NPFFR2: variants seen among roughly 807,000 people sequenced by gnomAD.
NPFFR2 encodes the protein neuropeptide FF receptor 2.
In NPFFR2, 15 loss-of-function variants were observed where a neutral mutation model predicts 13.1. That is an observed-to-expected ratio of 1.15 (90% confidence interval 0.77 to 1.76). The LOEUF (loss-of-function observed/expected upper bound fraction) is 1.76, where lower values mean the gene tolerates loss of function less well. Among genes scored for constraint, NPFFR2 ranks in the 40% most tolerant of loss-of-function variants. The probability of loss-of-function intolerance (pLI) is 0.00; values close to 1 mark genes in which losing one functional copy is unlikely to be tolerated. For missense variants in NPFFR2, 572 were observed against 503.5 expected (o/e 1.14, Z -1.30); for synonymous variants, 190 against 175.7 (o/e 1.08, Z -0.65).
chr4:72,069,119 A>T, intron 1 of NPFFR2: 1 of 446,542 alleles, frequency 2.2e-6, no homozygotes, highest in Non-Finnish European at 4.1e-6. Flanking sequence ...ATAGCATAAC[A>T]GTAATGCTAA....
At chr4:72,089,633 G>A (rs1437305708) in intron 1 of NPFFR2, among the ~76,000 whole-genome samples, 3 of 151,894 alleles carry the variant, frequency 2.0e-5, no homozygotes, top group Admixed American at 1.3e-4. Context: ...TCTTTTGAGA[G>A]TTGTCTATTC....
intron 1 of NPFFR2, among the ~76,000 whole-genome samples, chr4:72,122,396 G>C (rs981412005): frequency 1.5e-4 from 23 of 152,112 alleles, no homozygotes; most frequent in African/African-American, 5.6e-4. Flanking sequence ...TCTGGACCAA[G>C]CAGACCTAAC....
chr4:72,113,643 C>T (rs1460995194), intron 1 of NPFFR2, among the ~76,000 whole-genome samples: 1 of 152,114 alleles, frequency 6.6e-6, no homozygotes, highest in East Asian at 1.9e-4. Flanking sequence ...CACAAAGTCT[C>T]AGACTGGCAA....
rs112342219 is a variant in NPFFR2, at chr4:72,132,092, T to C, written c.328+3173T>C. ...GTGTCATGGGGGTTTGTTGTACAGA[T>C]TATTTTGTCACCCAGGTATTAAGCC... On this transcript the variant is annotated intron_variant, in intron 2 of 3. Coordinates refer to ENST00000308744, the MANE Select transcript of NPFFR2 (RefSeq NM_004885.3). Among the ~76,000 whole-genome samples the C allele has an allele frequency of 8.2e-3, 1,253 of 152,082 alleles. 20 individuals carry two copies. Among genetic ancestry groups the C allele is most frequent in the African/African-American group, 0.029 (1,208 of 41,438 alleles).
chr4:72,070,566 GGGGGGGT>G (rs1278692903), intron 1 of NPFFR2, among the ~76,000 whole-genome samples: 12 of 1,530 alleles, frequency 7.8e-3, no homozygotes, highest in East Asian at 0.071. Flanking sequence ...TGTGTGGGGG[GGGGGGGT>G]GGGGCTCTGG....
chr4:72,037,033 T>C (rs4694450), intron 1 of NPFFR2, among the ~76,000 whole-genome samples: 152,205 of 152,206 alleles, frequency 1, 76,102 homozygotes, highest in Non-Finnish European at 1. Context: ...ACTTGCAGCG[T>C]TCAGGATTTC....
intron 1 of NPFFR2, 93 bp downstream of exon 1, chr4:72,032,293 G>T (rs547422325): frequency 3.0e-6 from 4 of 1,327,914 alleles, no homozygotes; most frequent in Middle Eastern, 2.7e-4. Context: ...ACATATTAGC[G>T]ATTGTGGACC....
rs11937682 is a variant in NPFFR2, at chr4:72,033,893, C to A, written c.-8+1693C>A. On this transcript the variant is annotated intron_variant, in intron 1 of 3. Transcript: ENST00000308744. ...TATCAGTTTATTTATTGTAGTTGTT[C>A]TTCGGCTCTGTGTGTGTGTGTGTGC... is the stretch of plus-strand genomic sequence containing the variant. Among the ~76,000 whole-genome samples the A allele has an allele frequency of 3.7e-3, 561 of 152,058 alleles. 3 individuals carry two copies. The highest frequency in any genetic ancestry group is 0.013 in the African/African-American group (544 of 41,476).
At chr4:72,095,669 C>T (rs1413000890) in intron 1 of NPFFR2, among the ~76,000 whole-genome samples, 1 of 151,644 alleles carries the variant, frequency 6.6e-6, no homozygotes, top group Non-Finnish European at 1.5e-5. Context: ...TATTATGGGC[C>T]CTATATAAGC....
intron 1 of NPFFR2, among the ~76,000 whole-genome samples, chr4:72,112,890 TTA>T (rs1205681433): frequency 2.6e-5 from 4 of 151,846 alleles, no homozygotes; most frequent in African/African-American, 9.7e-5. Flanking sequence ...AGATTAATTA[TTA>T]TACCACATGA....
chr4:72,136,990 ATAT>A (rs975166548), intron 2 of NPFFR2, among the ~76,000 whole-genome samples: 1 of 152,204 alleles, frequency 6.6e-6, no homozygotes, highest in Non-Finnish European at 1.5e-5. Context: ...TATATGCTTA[ATAT>A]TCCATTTTCA....
chr4:72,112,858 C>T (rs971895616), intron 1 of NPFFR2, among the ~76,000 whole-genome samples: 2 of 152,006 alleles, frequency 1.3e-5, no homozygotes, highest in African/African-American at 4.8e-5. Context: ...GGTTGCTATG[C>T]TTCTACTTTT....
intron 1 of NPFFR2, among the ~76,000 whole-genome samples, chr4:72,070,089 A>G (rs573086725): frequency 5.3e-5 from 8 of 152,202 alleles, no homozygotes; most frequent in Non-Finnish European, 1.2e-4. Context: ...TTAGTAATTT[A>G]CTCAAGGTCT....
At chr4:72,100,598 C>T (rs1464222759) in intron 1 of NPFFR2, among the ~76,000 whole-genome samples, 2 of 151,966 alleles carry the variant, frequency 1.3e-5, no homozygotes, top group Non-Finnish European at 2.9e-5. Flanking sequence ...TTTCTAAAGT[C>T]CTTAAGGACT....
chr4:72,085,803 G>T (rs1225027504), intron 1 of NPFFR2, among the ~76,000 whole-genome samples: 2 of 152,056 alleles, frequency 1.3e-5, no homozygotes, highest in Non-Finnish European at 2.9e-5. Context: ...GCAAACTAAA[G>T]TTTTTAAATG....
chr4:72,067,798 T>C (rs1197591024), intron 1 of NPFFR2, among the ~76,000 whole-genome samples: 2 of 152,212 alleles, frequency 1.3e-5, no homozygotes, highest in African/African-American at 2.4e-5. Context: ...ATTTTTCACT[T>C]TATAATGAGG....
intron 1 of NPFFR2, among the ~76,000 whole-genome samples, chr4:72,106,391 C>T (rs1721420002): frequency 6.6e-6 from 1 of 151,972 alleles, no homozygotes; most frequent in African/African-American, 2.4e-5. Flanking sequence ...AACTTTGGTA[C>T]TCTATAGTGA....
At chr4:72,136,297 G>A (rs1305049585) in intron 2 of NPFFR2, among the ~76,000 whole-genome samples, 1 of 152,056 alleles carries the variant, frequency 6.6e-6, no homozygotes, top group Non-Finnish European at 1.5e-5. Context: ...ACACAGTGGT[G>A]GTAGGAGCAG....
At chr4:72,144,867 C>T (rs573995881) in intron 3 of NPFFR2, among the ~76,000 whole-genome samples, 1 of 152,278 alleles carries the variant, frequency 6.6e-6, no homozygotes, top group East Asian at 1.9e-4. Flanking sequence ...AGTTCTGAAC[C>T]AGGCCACTGC....
Sources: allele counts gnomAD v4.1 joint callset (sites outside exome capture counted in the v4.1 genomes callset), GRCh38; gene constraint gnomAD v4.1.1; transcripts MANE v1.5; gene names NCBI Gene and HGNC (gene_info 2026-07-23, HGNC 2026-07-21).